The following LIMK1 variants were observed in gnomAD, a reference collection of about 807,000 sequenced individuals.
The protein encoded by LIMK1 is LIM motif-containing protein kinase.
In LIMK1, 21 loss-of-function variants were observed where a neutral mutation model predicts 77.6. The observed-to-expected ratio is 0.27, with a 90% CI of 0.19 to 0.39. LIMK1 has a LOEUF of 0.39. Among genes scored for constraint, LIMK1 ranks in the 10% least tolerant of loss-of-function variants. The pLI, the probability that LIMK1 is intolerant of heterozygous loss-of-function variation, is 1.00. For missense variants in LIMK1, 696 were observed against 901.6 expected, an observed-to-expected ratio of 0.77 and a Z score of 2.92; for synonymous variants, 358 against 370.0, an observed-to-expected ratio of 0.97 and a Z score of 0.37.
intron 1 of LIMK1, 126 bp from the exon 2 acceptor site, chr7:74,085,622 G>T (rs1318171935): frequency 2.6e-6 from 2 of 761,326 alleles, no homozygotes; most frequent in South Asian, 3.0e-5. Context: ...CTGCCTGGGC[G>T]CTGCACATGT....
At chr7:74,117,677 C>T (rs536056227) in intron 13 of LIMK1, among the ~76,000 whole-genome samples, 4 of 152,188 alleles carry the variant, frequency 2.6e-5, no homozygotes, top group Admixed American at 2.6e-4. Flanking sequence ...TGGCGTGGTG[C>T]CTAATGCCTG....
intron 10 of LIMK1, 107 bp from the exon 11 acceptor site, chr7:74,111,541 C>G: frequency 1.1e-6 from 1 of 881,802 alleles, no homozygotes; most frequent in Non-Finnish European, 1.9e-6. Context: ...TTGGGGAGCC[C>G]AGGGACCCTC....
At chr7:74,106,836 C>T (rs1163205209) in intron 7 of LIMK1, among the ~76,000 whole-genome samples, 174 bp from the exon 8 acceptor site, 1 of 152,184 alleles carries the variant, frequency 6.6e-6, no homozygotes, top group African/African-American at 2.4e-5. Flanking sequence ...CAGGATAGGC[C>T]GAGACACTGG....
At chr7:74,114,334 G>A (rs1224002794) in intron 12 of LIMK1, among the ~76,000 whole-genome samples, 1 of 151,660 alleles carries the variant, frequency 6.6e-6, no homozygotes, top group Admixed American at 6.6e-5. Context: ...TTGAGCCCAG[G>A]AGTTTGAGAC....
In LIMK1 at chr7:74,121,325, G is replaced by A; in HGVS notation, c.*24G>A. On this transcript the variant is annotated 3_prime_UTR_variant, in exon 16 of 16. Transcript: ENST00000336180. ...GAGCCAGGGCCACTCAGCTGCCCCT[G>A]TCCCCACCTCTGGAGAATCCACCCC... 1 of 1,551,092 alleles carries A rather than the reference G, an allele frequency of 6.4e-7. No individual in the cohort carries two copies. Among genetic ancestry groups the A allele is most frequent in the Non-Finnish European group, 8.7e-7 (1 of 1,151,242 alleles).
In LIMK1 at chr7:74,105,907, A is replaced by G; in HGVS notation, c.641A>G (p.Lys214Arg). The G allele has an allele frequency of 1.2e-6, 2 of 1,614,040 alleles. No homozygotes were observed. The highest frequency in any genetic ancestry group is 1.1e-5 in the South Asian group (1 of 91,080). The change falls in exon 6 of 16, where the codon AAG (lysine) becomes AGG (arginine). Residue 214 changes from lysine to arginine, a missense_variant. By Grantham distance (26) the Lys-to-Arg change is conservative. Around this residue, in one of 3 missense-constraint regions of LIMK1, gnomAD observed 6 missense variants for 19.9 expected, o/e 0.30. Coordinates refer to ENST00000336180, the MANE Select transcript of LIMK1 (RefSeq NM_002314.4). ...CCGGGCTGCATGAGCCCAGATGTGA[A>G]GAATTCCATCCACGTCGGAGACCGG... ...VDPGCMSPDV[K>R]NSIHVGDRIL...
intron 5 of LIMK1, among the ~76,000 whole-genome samples, chr7:74,102,446 C>T (rs1554696710): frequency 7.3e-6 from 1 of 136,150 alleles, no homozygotes; most frequent in Non-Finnish European, 1.5e-5. Context: ...TTGACTCCCC[C>T]ACAATTATGC....
chr7:74,100,712 CG>C (rs1799440595), intron 5 of LIMK1, among the ~76,000 whole-genome samples: 2 of 151,036 alleles, frequency 1.3e-5, no homozygotes, highest in Admixed American at 6.6e-5. Context: ...CCACCGTGCC[CG>C]GCCCAAGTGC....
intron 8 of LIMK1, 23 bp from the exon 9 acceptor site, chr7:74,107,846 TCA>T: frequency 6.5e-7 from 1 of 1,547,528 alleles, no homozygotes; most frequent in African/African-American, 1.4e-5. Context: ...GCTTCTGTCT[TCA>T]CACCTCTGTG....
chr7:74,102,283 C>T (rs973559414), intron 5 of LIMK1, among the ~76,000 whole-genome samples: 1 of 151,796 alleles, frequency 6.6e-6, no homozygotes, highest in Non-Finnish European at 1.5e-5. Flanking sequence ...TTCACCAATT[C>T]GTAACTGCCA....
chr7:74,092,157 G>A (rs1460196558), intron 2 of LIMK1, among the ~76,000 whole-genome samples: 1 of 151,756 alleles, frequency 6.6e-6, no homozygotes, highest in Non-Finnish European at 1.5e-5. Context: ...ATAGAGACGG[G>A]GTTTCACCAT....
intron 13 of LIMK1, among the ~76,000 whole-genome samples, chr7:74,116,714 C>T (rs178409): frequency 0.83 from 121,547 of 145,592 alleles, 51,449 homozygotes; most frequent in Middle Eastern, 0.94. Flanking sequence ...TTTTTTTTTT[C>T]TTTTTTAAAG....
chr7:74,093,529 G>A (rs1186871133), intron 2 of LIMK1, among the ~76,000 whole-genome samples: 2 of 152,210 alleles, frequency 1.3e-5, no homozygotes, highest in African/African-American at 4.8e-5. Flanking sequence ...CACACCTGGT[G>A]GCCAGGGATG....
In LIMK1 at chr7:74,085,791, T is replaced by C. The variant is rs1554693980; in HGVS notation, c.99T>C (p.Tyr33=). 6 of 1,564,708 alleles carry C rather than the reference T, an allele frequency of 3.8e-6. No individual in the cohort carries two copies. Among genetic ancestry groups the C allele is most frequent in the South Asian group, 3.5e-5 (3 of 85,052 alleles). Residue 33 remains tyrosine, a synonymous_variant, in exon 2 of 16, where the codon TAT becomes TAC. Coordinates refer to ENST00000336180, the MANE Select transcript of LIMK1 (RefSeq NM_002314.4). ...PVCASCGQRI[Y]DGQYLQALNA... is the part of the protein sequence containing the mutation. ...GTGCAAGCTGCGGCCAGAGGATCTA[T>C]GATGGCCAGTACCTCCAGGCCCTGA...
chr7:74,115,524 C>T (rs1799788466), intron 12 of LIMK1: 2 of 395,862 alleles, frequency 5.1e-6, no homozygotes, highest in African/African-American at 2.0e-5. Context: ...AGTGGGTCCG[C>T]CACGACGGTC....
At chr7:74,089,955 G>A (rs898079636) in intron 2 of LIMK1, among the ~76,000 whole-genome samples, 8 of 152,136 alleles carry the variant, frequency 5.3e-5, no homozygotes, top group East Asian at 1.9e-4. Flanking sequence ...GAGGGAAGCC[G>A]TGTTACAGGA....
At chr7:74,118,875 C>T (rs1380397835) in intron 13 of LIMK1, among the ~76,000 whole-genome samples, 4 of 151,958 alleles carry the variant, frequency 2.6e-5, no homozygotes, top group Non-Finnish European at 4.4e-5. Context: ...CTAATTGTTT[C>T]GGGTATTTTG....
chr7:74,106,198 C>G lies in LIMK1; in HGVS notation c.836C>G (p.Thr279Ser). 1.2e-6 allele frequency: 2 copies of G among 1,613,920 alleles called. No individual in the cohort carries two copies. The highest frequency in any genetic ancestry group is 1.7e-6 in the Non-Finnish European group (2 of 1,180,018). The part of the protein sequence containing the change: ...ETSPLSSPAY[T>S]PSGEAGSSAR... ...AGCCCCCTGAGCTCTCCGGCTTATA[C>G]TCCCAGCGGGGAGGCGGGCAGCTCT... Residue 279 changes from threonine to serine, a missense_variant, in exon 7 of 16, where the codon ACT (threonine) becomes AGT (serine). Coordinates refer to ENST00000336180, the MANE Select transcript of LIMK1 (RefSeq NM_002314.4).
chr7:74,089,595 G>A (rs1346484154), intron 2 of LIMK1, among the ~76,000 whole-genome samples: 2 of 152,136 alleles, frequency 1.3e-5, no homozygotes, highest in Non-Finnish European at 2.9e-5. Flanking sequence ...AAGCCATCTG[G>A]TTTTCTAACC....
Sources: allele counts gnomAD v4.1 joint callset (sites outside exome capture counted in the v4.1 genomes callset), GRCh38; gene constraint gnomAD v4.1.1; regional missense constraint gnomAD v4.1.1; transcripts MANE v1.5; gene names NCBI Gene and HGNC (gene_info 2026-07-23, HGNC 2026-07-21).